UBE3C: variants seen among roughly 807,000 people sequenced by gnomAD.
The protein encoded by UBE3C is ubiquitin-protein ligase E3C.
Under a neutral mutation model 129.4 loss-of-function variants are expected in UBE3C, and 42 were observed. The ratio of observed to expected loss-of-function variants is 0.32; its 90% CI spans 0.25 to 0.42. UBE3C has a LOEUF of 0.42. UBE3C is among the 10% of genes least tolerant of loss of function. UBE3C has a pLI of 1.00. For synonymous variants in UBE3C, 510 were observed against 492.4 expected, an observed-to-expected ratio of 1.04 and a Z score of -0.47; for missense variants, 1,049 against 1,319.1, an observed-to-expected ratio of 0.80 and a Z score of 3.17.
intron 2 of UBE3C, among the ~76,000 whole-genome samples, chr7:157,167,846 C>G (rs544569829): frequency 6.6e-6 from 1 of 152,188 alleles, no homozygotes; most frequent in Admixed American, 6.5e-5. Context: ...TAAAGTGCCT[C>G]TCATAGGGCT....
chr7:157,205,436 G>A (rs1329879845), intron 11 of UBE3C, among the ~76,000 whole-genome samples: 1 of 151,962 alleles, frequency 6.6e-6, no homozygotes, highest in Non-Finnish European at 1.5e-5. Context: ...AGGGATAACA[G>A]TACAAGTACA....
chr7:157,154,988 G>A (rs1586647633), intron 1 of UBE3C, among the ~76,000 whole-genome samples: 1 of 152,066 alleles, frequency 6.6e-6, no homozygotes, highest in Admixed American at 6.5e-5. Context: ...GATGGTAAAT[G>A]GTCAAATATT....
At position 157,253,981 on chromosome 7, in the gene UBE3C, GAC is replaced by G. The variant is rs1427771590; in HGVS notation, c.2724_2725del (p.Ile909ProfsTer47). ...AGTTGAACTAAAATTCGGTGGGAAA[GAC>G]ATCCCTGTCACCAGCGCCAACCGGA... is the stretch of plus-strand genomic sequence containing the variant. ...QVVELKFGGK[D>X]IPVTSANRIA... On this transcript the variant is annotated frameshift_variant, in exon 20 of 23. Coordinates refer to ENST00000348165, the MANE Select transcript of UBE3C (RefSeq NM_014671.3). LOFTEE classifies it high-confidence loss of function. The G allele has an allele frequency of 6.3e-7, 1 of 1,592,996 alleles. No individual in the cohort carries two copies. The highest frequency in any genetic ancestry group is 1.3e-5 in the African/African-American group (1 of 74,270).
intron 19 of UBE3C, 110 bp downstream of exon 19, chr7:157,248,690 G>C (rs1796542104): frequency 1.7e-6 from 2 of 1,203,330 alleles, no homozygotes; most frequent in Non-Finnish European, 2.4e-6. Flanking sequence ...ATTTTAGTTA[G>C]AATGACTGTG....
At chr7:157,157,189 T>G (rs1486238429) in intron 1 of UBE3C, among the ~76,000 whole-genome samples, 1 of 152,172 alleles carries the variant, frequency 6.6e-6, no homozygotes, top group Non-Finnish European at 1.5e-5. Context: ...AAAAATTCAA[T>G]ATACAGAAAT....
At chr7:157,261,549 A>G in intron 22 of UBE3C, among the ~76,000 whole-genome samples, 1 of 152,182 alleles carries the variant, frequency 6.6e-6, no homozygotes, top group Non-Finnish European at 1.5e-5. Flanking sequence ...CCAGTTTGGA[A>G]AAATCATCTT....
intron 10 of UBE3C, among the ~76,000 whole-genome samples, chr7:157,188,068 T>C (rs1001201795): frequency 2.0e-5 from 3 of 152,210 alleles, no homozygotes; most frequent in South Asian, 2.1e-4. Flanking sequence ...TTGAGTGATA[T>C]GTTAGTGGTT....
At position 157,184,001 on chromosome 7, in the gene UBE3C, G is replaced by A. The variant is rs1225189082; in HGVS notation, c.1115G>A (p.Ser372Asn). 2.5e-6 allele frequency: 4 copies of A among 1,614,172 alleles called. No individual in the cohort carries two copies. Among genetic ancestry groups the A allele is most frequent in the South Asian group, 1.1e-5 (1 of 91,084 alleles). Residue 372 changes from serine (S) to asparagine (N), a missense_variant, in exon 9 of 23, where the codon AGT (serine) becomes AAT (asparagine). Physicochemically the swap from Ser to Asn is conservative, Grantham distance 46. Transcript: ENST00000348165. ...HDSASDSEEE[S>N]EEADKPSSPE... is the part of the protein sequence containing the mutation. ...TCAGCCAGTGACTCTGAGGAGGAGA[G>A]TGAAGAAGCCGACAAGCCCTCAAGC... is the stretch of plus-strand genomic sequence containing the variant.
intron 1 of UBE3C, among the ~76,000 whole-genome samples, chr7:157,162,208 T>G (rs368531611): frequency 5.3e-5 from 8 of 152,190 alleles, no homozygotes; most frequent in African/African-American, 1.7e-4. Flanking sequence ...TTTTTTTTCT[T>G]TTTTGAGACG....
chr7:157,220,222 A>G (rs1795700013), intron 14 of UBE3C, among the ~76,000 whole-genome samples: 1 of 152,180 alleles, frequency 6.6e-6, no homozygotes, highest in Non-Finnish European at 1.5e-5. Flanking sequence ...AAAAATAAAA[A>G]ATTGTAAGGA....
rs566983249 is a variant in UBE3C, at chr7:157,251,358, C to T, written c.2695-2596C>T. The stretch of plus-strand genomic sequence containing the variant: ...TTAATAGTGACCATGAAATTTTAGA[C>T]GACTAATTTACATAGAACTCTTTCT... On this transcript the variant is annotated intron_variant, in intron 19 of 22. Transcript: ENST00000348165. 5.0e-4 allele frequency among the ~76,000 whole-genome samples: 76 copies of T among 152,144 alleles called. 1 individual carries two copies. Among genetic ancestry groups the T allele is most frequent in the Admixed American group, 3.3e-3 (50 of 15,270 alleles).
At chr7:157,241,413 G>C (rs1220837860) in intron 18 of UBE3C, among the ~76,000 whole-genome samples, 15 of 152,340 alleles carry the variant, frequency 9.8e-5, no homozygotes, top group Admixed American at 9.8e-4. Flanking sequence ...GATCCAATTG[G>C]ACATCTCTCC....
chr7:157,140,533 A>G (rs1022963010), intron 1 of UBE3C, among the ~76,000 whole-genome samples: 3 of 152,180 alleles, frequency 2.0e-5, no homozygotes, highest in African/African-American at 7.2e-5. Flanking sequence ...ATGTTTTATG[A>G]GATCAAAGGA....
At chr7:157,265,640 C>T (rs1055515802) in intron 22 of UBE3C, among the ~76,000 whole-genome samples, 2 of 152,216 alleles carry the variant, frequency 1.3e-5, no homozygotes, top group Non-Finnish European at 2.9e-5. Context: ...GCAAGATGAG[C>T]GAGACCCATT....
At chr7:157,169,700 T>G (rs575997308) in intron 3 of UBE3C, among the ~76,000 whole-genome samples, 1 of 151,838 alleles carries the variant, frequency 6.6e-6, no homozygotes, top group African/African-American at 2.4e-5. Flanking sequence ...TTTTTGTTTT[T>G]TGAGAGAGTC....
At chr7:157,195,858 G>A (rs973417351) in intron 10 of UBE3C, among the ~76,000 whole-genome samples, 2 of 152,122 alleles carry the variant, frequency 1.3e-5, no homozygotes, top group Admixed American at 6.5e-5. Context: ...TTAACACAGG[G>A]GTGGAGTGGT....
At chr7:157,216,750 G>A (rs548337978) in intron 13 of UBE3C, 117 bp from the exon 14 acceptor site, 9 of 759,054 alleles carry the variant, frequency 1.2e-5, no homozygotes, top group Non-Finnish European at 2.0e-5. Context: ...TTGGTGTCCG[G>A]CTCGACCTGG....
intron 1 of UBE3C, among the ~76,000 whole-genome samples, chr7:157,163,589 C>T (rs1389752455): frequency 6.6e-6 from 1 of 152,092 alleles, no homozygotes; most frequent in Admixed American, 6.6e-5. Context: ...AGATTTTATG[C>T]TTAAAAAACT....
At chr7:157,183,599 A>G (rs779977728) in intron 8 of UBE3C, among the ~76,000 whole-genome samples, 3 of 152,142 alleles carry the variant, frequency 2.0e-5, no homozygotes, top group Non-Finnish European at 4.4e-5. Flanking sequence ...AGTCCCCTAG[A>G]TGGCCTCACC....
Sources: gnomAD v4.1 joint callset for allele counts (sites outside exome capture counted in the v4.1 genomes callset) on GRCh38, gnomAD v4.1.1 for gene constraint, MANE v1.5 for transcripts, NCBI Gene and HGNC (gene_info 2026-07-23, HGNC 2026-07-21) for gene names.